Variants in MGAT4C observed in about 807,000 individuals in gnomAD.
The protein encoded by MGAT4C is MGAT4 family member C, also known as alpha-1,3-mannosyl-glycoprotein 4-beta-N-acetylglucosaminyltransferase C.
MGAT4C carries 19 observed loss-of-function variants against 40.1 expected under a neutral mutation model. That is an observed-to-expected ratio of 0.47 (90% CI 0.33 to 0.70). The LOEUF is 0.70. Among genes scored for constraint, MGAT4C ranks in the 30% least tolerant of loss-of-function variants. The pLI is 0.02. For synonymous variants in MGAT4C, 181 were observed against 187.1 expected (o/e 0.97, Z 0.27); for missense variants, 491 against 563.2 (o/e 0.87, Z 1.30).
chr12:86,285,280 A>C (rs2406123), intron 4 of MGAT4C, among the ~76,000 whole-genome samples: 100,880 of 151,768 alleles, frequency 0.66, 34,071 homozygotes, highest in South Asian at 0.78. Context: ...AGAGAGCTTA[A>C]AGTACCATAT....
chr12:86,073,124 G>T (rs890131057), intron 1 of MGAT4C, among the ~76,000 whole-genome samples: 2 of 152,110 alleles, frequency 1.3e-5, no homozygotes, highest in Admixed American at 6.6e-5. Context: ...TCCTCACACT[G>T]TTGTTGTGGT....
chr12:86,628,337 G>A (rs1163569428), intron 2 of MGAT4C, among the ~76,000 whole-genome samples: 4 of 152,072 alleles, frequency 2.6e-5, no homozygotes, highest in Admixed American at 6.6e-5. Flanking sequence ...TATATTATCC[G>A]GGAGAACTTC....
Position 86,083,743 on chromosome 12 carries a change from C to T in MGAT4C, c.-56-34020G>A, listed in dbSNP as rs1342724898. Reference sequence around the variant, plus strand: ...CAAGTCTTTCTGCTCAGCTACATGGCTGTCTCATTATCTGATTATTAGCTT... The same window carrying T: ...CAAGTCTTTCTGCTCAGCTACATGGTTGTCTCATTATCTGATTATTAGCTT... On this transcript the variant is annotated intron_variant, in intron 1 of 4. Coordinates refer to ENST00000611864, the MANE Select transcript of MGAT4C (RefSeq NM_001351288.2). 3.3e-5 allele frequency among the ~76,000 whole-genome samples: 5 copies of T among 152,032 alleles called. 1 individual carries two copies. The East Asian group carries it at 9.6e-4, about 29-fold the overall frequency.
chr12:86,600,319 G>A (rs557127653), intron 2 of MGAT4C, among the ~76,000 whole-genome samples: 3 of 152,264 alleles, frequency 2.0e-5, no homozygotes, highest in South Asian at 4.1e-4. Flanking sequence ...GAGCCTGTGG[G>A]TATAGGTGGG....
At chr12:86,769,083 C>T (rs1214789844) in intron 1 of MGAT4C, among the ~76,000 whole-genome samples, 2 of 152,030 alleles carry the variant, frequency 1.3e-5, no homozygotes, top group Non-Finnish European at 2.9e-5. Context: ...GAACAGGCAA[C>T]CTACAAAATG....
At chr12:86,393,891 A>G (rs1198586361) in intron 3 of MGAT4C, among the ~76,000 whole-genome samples, 1 of 152,242 alleles carries the variant, frequency 6.6e-6, no homozygotes, top group Non-Finnish European at 1.5e-5. Context: ...TCATCATGCC[A>G]ATCGTGTCCC....
intron 2 of MGAT4C, among the ~76,000 whole-genome samples, chr12:86,715,138 C>G (rs969469592): frequency 1.3e-5 from 2 of 151,948 alleles, no homozygotes; most frequent in African/African-American, 4.8e-5. Flanking sequence ...AACAATAAAA[C>G]TAATTTATTC....
chr12:86,758,540 A>C (rs1951346237), intron 1 of MGAT4C, among the ~76,000 whole-genome samples: 2 of 152,030 alleles, frequency 1.3e-5, no homozygotes, highest in Non-Finnish European at 2.9e-5. Context: ...TTTATAGATA[A>C]GAAAACTAAG....
chr12:86,790,719 A>G (rs1188553561), intron 1 of MGAT4C, among the ~76,000 whole-genome samples: 2 of 152,090 alleles, frequency 1.3e-5, no homozygotes, highest in Non-Finnish European at 2.9e-5. Flanking sequence ...CAAGCCCAAG[A>G]CTGTCTGTAC....
intron 1 of MGAT4C, among the ~76,000 whole-genome samples, chr12:86,207,114 T>C (rs868748957): frequency 0.015 from 2,282 of 147,574 alleles, 35 homozygotes; most frequent in South Asian, 0.033. Flanking sequence ...TTTTTTTCTT[T>C]TTTTTTTTTT....
At chr12:86,407,201 G>T (rs927639826) in intron 3 of MGAT4C, among the ~76,000 whole-genome samples, 5 of 152,070 alleles carry the variant, frequency 3.3e-5, no homozygotes, top group Non-Finnish European at 5.9e-5. Context: ...AAATGCAGAA[G>T]TTTTTGTACC....
At position 86,690,359 on chromosome 12, in the gene MGAT4C, G is replaced by A. The variant is rs925756972; in HGVS notation, c.-229+36850C>T. 2.0e-5 allele frequency among the ~76,000 whole-genome samples: 3 copies of A among 152,142 alleles called. No homozygotes were observed. In the South Asian group the frequency reaches 6.2e-4, roughly 31 times the overall value. On this transcript the variant is annotated intron_variant, in intron 2 of 7. Coordinates refer to the MGAT4C transcript ENST00000548651. ...CACTGGCAATCCAGGCACCACTGGGGTACGAAAAAGACTCCTGCAGCTAGC... is the reference window on the plus strand; with the variant it reads ...CACTGGCAATCCAGGCACCACTGGGATACGAAAAAGACTCCTGCAGCTAGC...
chr12:86,284,307 A>AT (rs537673835), intron 4 of MGAT4C, among the ~76,000 whole-genome samples: 4 of 151,706 alleles, frequency 2.6e-5, no homozygotes, highest in Non-Finnish European at 4.4e-5. Context: ...CTAAATGCAC[A>AT]TTTTTTTCCT....
chr12:86,082,768 GT>G (rs1871082893), intron 1 of MGAT4C, among the ~76,000 whole-genome samples: 2 of 151,920 alleles, frequency 1.3e-5, no homozygotes, highest in East Asian at 1.9e-4. Context: ...TAATGGAAGG[GT>G]TTTTACAAAT....
At chr12:86,295,758 G>C (rs936632892) in intron 4 of MGAT4C, among the ~76,000 whole-genome samples, 3 of 152,114 alleles carry the variant, frequency 2.0e-5, no homozygotes, top group African/African-American at 7.2e-5. Context: ...AGATTAGTTA[G>C]ATACAGAGTT....
intron 1 of MGAT4C, among the ~76,000 whole-genome samples, chr12:86,243,217 A>C (rs1951860756): frequency 6.6e-6 from 1 of 152,204 alleles, no homozygotes; most frequent in Non-Finnish European, 1.5e-5. Context: ...TTGGTTACTG[A>C]CAAATTTTTC....
At chr12:86,076,588 G>T (rs565517417) in intron 1 of MGAT4C, among the ~76,000 whole-genome samples, 2 of 152,134 alleles carry the variant, frequency 1.3e-5, no homozygotes, top group Non-Finnish European at 2.9e-5. Context: ...ACATGACTGG[G>T]GAGGCCTCAT....
upstream of MGAT4C, among the ~76,000 whole-genome samples, chr12:86,258,148 T>C (rs1053764262): frequency 2.0e-5 from 3 of 152,090 alleles, no homozygotes; most frequent in African/African-American, 7.2e-5. Flanking sequence ...ACCCTTAATA[T>C]TTCAACTCAA....
intron 2 of MGAT4C, chr12:86,015,645 C>T (rs1421563140): frequency 6.6e-6 from 1 of 152,184 alleles, no homozygotes; most frequent in Non-Finnish European, 1.5e-5. Context: ...AAATAGAAAT[C>T]CTTAGCAGCT....
Sources: allele counts gnomAD v4.1 joint callset (sites outside exome capture counted in the v4.1 genomes callset), GRCh38; gene constraint gnomAD v4.1.1; transcripts MANE v1.5; gene names NCBI Gene and HGNC (gene_info 2026-07-23, HGNC 2026-07-21).